Variants in KLF12 observed in about 807,000 individuals in gnomAD.
KLF12 encodes the protein Krueppel-like factor 12.
In KLF12, 9 loss-of-function variants were observed where a neutral mutation model predicts 37.8. The ratio of observed to expected loss-of-function variants is 0.24; its 90% CI spans 0.14 to 0.42. The LOEUF (loss-of-function observed/expected upper bound fraction) is 0.42. Ranked by LOEUF, KLF12 falls within the 10% of genes least tolerant of loss-of-function variation. KLF12 has a pLI of 1.00. For missense variants in KLF12, 411 were observed against 516.0 expected, an observed-to-expected ratio of 0.80 and a Z score of 1.97; for synonymous variants, 208 against 202.1, an observed-to-expected ratio of 1.03 and a Z score of -0.25.
intron 2 of KLF12, among the ~76,000 whole-genome samples, chr13:73,959,715 G>A (rs1218373917): frequency 6.6e-6 from 1 of 151,774 alleles, no homozygotes; most frequent in Non-Finnish European, 1.5e-5. Context: ...GGTTATTTCA[G>A]GCAAATATAA....
At chr13:73,926,219 T>A (rs764251889) in intron 3 of KLF12, among the ~76,000 whole-genome samples, 20 of 152,182 alleles carry the variant, frequency 1.3e-4, no homozygotes, top group Non-Finnish European at 2.4e-4. Context: ...AAGAGTCAAC[T>A]GATGCAGTAA....
chr13:73,959,668 CAT>C (rs1033987202), intron 2 of KLF12, among the ~76,000 whole-genome samples: 1 of 151,762 alleles, frequency 6.6e-6, no homozygotes, highest in African/African-American at 2.4e-5. Context: ...TTATATATCT[CAT>C]GTAATATATT....
At chr13:73,947,848 A>G (rs1013701420) in intron 2 of KLF12, among the ~76,000 whole-genome samples, 4 of 151,774 alleles carry the variant, frequency 2.6e-5, no homozygotes, top group Admixed American at 2.6e-4. Context: ...TTCCAGGTCA[A>G]CTCCTACAAT....
intron 7 of KLF12, among the ~76,000 whole-genome samples, chr13:73,703,851 C>A (rs138723672): frequency 4.6e-5 from 7 of 152,110 alleles, no homozygotes; most frequent in African/African-American, 1.7e-4. Flanking sequence ...GAACTGGGCA[C>A]GGAGACTGCA....
chr13:73,750,700 A>C (rs2137966117), intron 6 of KLF12, among the ~76,000 whole-genome samples: 1 of 152,302 alleles, frequency 6.6e-6, no homozygotes, highest in African/African-American at 2.4e-5. Context: ...GTAAATGTGT[A>C]CCATGGTGAT....
chr13:73,731,553 A>AAAAAG (rs3079691), intron 6 of KLF12, among the ~76,000 whole-genome samples: 1 of 151,006 alleles, frequency 6.6e-6, no homozygotes, highest in Non-Finnish European at 1.5e-5. Flanking sequence ...AAAAAAAAAA[A>AAAAAG]GCATAGTTTT....
the KLF12 span, among the ~76,000 whole-genome samples, chr13:74,200,643 A>G: frequency 0.028 from 4,193 of 152,080 alleles, 204 homozygotes; most frequent in African/African-American, 0.094. Context: ...TCTGAGAAAA[A>G]GGGGATCTCT....
the KLF12 span, among the ~76,000 whole-genome samples, chr13:74,303,053 T>A: frequency 6.6e-6 from 1 of 152,122 alleles, no homozygotes; most frequent in Admixed American, 6.6e-5. Context: ...GTGGTATTGA[T>A]TGTTATACCA....
intron 4 of KLF12, among the ~76,000 whole-genome samples, chr13:73,834,839 C>T (rs1884346615): frequency 6.6e-6 from 1 of 152,180 alleles, no homozygotes; most frequent in Admixed American, 6.5e-5. Context: ...CTCTCTCTGA[C>T]ATTCTAGGGC....
At chr13:74,210,118 G>C in the KLF12 span, among the ~76,000 whole-genome samples, 1 of 152,180 alleles carries the variant, frequency 6.6e-6, no homozygotes, top group African/African-American at 2.4e-5. Flanking sequence ...CCATTGCAAA[G>C]AGATTAGAAA....
At chr13:74,238,522 T>C in the KLF12 span, among the ~76,000 whole-genome samples, 1 of 136,460 alleles carries the variant, frequency 7.3e-6, no homozygotes, top group Non-Finnish European at 1.5e-5. Flanking sequence ...ATGGTACCAG[T>C]TCCTCCTTGT....
chr13:74,048,190 A>C (rs993382794), intron 1 of KLF12, among the ~76,000 whole-genome samples: 11 of 152,254 alleles, frequency 7.2e-5, no homozygotes, highest in African/African-American at 1.9e-4. Flanking sequence ...GCTGCTCACT[A>C]TACATCAGCT....
the KLF12 span, among the ~76,000 whole-genome samples, chr13:74,241,465 G>A: frequency 7.9e-4 from 120 of 152,310 alleles, no homozygotes; most frequent in African/African-American, 2.0e-3. Flanking sequence ...GCTGTGGTGG[G>A]CTCCACCCAG....
intron 1 of KLF12, among the ~76,000 whole-genome samples, chr13:74,133,559 C>G (rs1878388551): frequency 6.6e-6 from 1 of 152,006 alleles, no homozygotes; most frequent in South Asian, 2.1e-4. Flanking sequence ...CCGGCCCCCT[C>G]CCGCTTCCCA....
chr13:74,074,705 T>C (rs1042151017), intron 1 of KLF12, among the ~76,000 whole-genome samples: 2 of 152,114 alleles, frequency 1.3e-5, no homozygotes, highest in African/African-American at 4.8e-5. Context: ...TCATGGGGGT[T>C]TGTTGTACAG....
chr13:73,912,273 GAAA>G (rs1291116974), intron 3 of KLF12, among the ~76,000 whole-genome samples: 1 of 152,076 alleles, frequency 6.6e-6, no homozygotes, highest in Non-Finnish European at 1.5e-5. Flanking sequence ...AACTCCCAGG[GAAA>G]AACATAAACT....
chr13:73,769,769 T>TG (rs1194188941), intron 5 of KLF12, among the ~76,000 whole-genome samples: 10 of 152,216 alleles, frequency 6.6e-5, no homozygotes, highest in African/African-American at 2.4e-4. Flanking sequence ...TTCACTCAGT[T>TG]GCTCAGGCCA....
the KLF12 span, among the ~76,000 whole-genome samples, chr13:74,237,997 A>G: frequency 6.7e-6 from 1 of 150,062 alleles, no homozygotes; most frequent in Non-Finnish European, 1.5e-5. Flanking sequence ...GTGGTGAGAG[A>G]GGGCATCCCT....
At chr13:74,195,853 G>A in the KLF12 span, among the ~76,000 whole-genome samples, 386 of 152,192 alleles carry the variant, frequency 2.5e-3, 2 homozygotes, top group African/African-American at 9.1e-3. Flanking sequence ...CAAACTGCTG[G>A]GATTACAGGT....
Sources: allele counts gnomAD v4.1 joint callset (sites outside exome capture counted in the v4.1 genomes callset), GRCh38; gene constraint gnomAD v4.1.1; transcripts MANE v1.5; gene names NCBI Gene and HGNC (gene_info 2026-07-23, HGNC 2026-07-21).